The following ARID3A variants were observed in gnomAD, a reference collection of about 807,000 sequenced individuals.
ARID3A encodes AT-rich interaction domain 3A, also known as AT-rich interactive domain-containing protein 3A.
ARID3A carries 11 observed loss-of-function variants against 52.7 expected under a neutral mutation model. That is an observed-to-expected ratio of 0.21 (90% CI 0.13 to 0.35). ARID3A has a LOEUF of 0.35. ARID3A is among the 10% of genes least tolerant of loss of function. ARID3A has a pLI of 1.00. For synonymous variants in ARID3A, 404 were observed against 359.4 expected, an observed-to-expected ratio of 1.12 and a Z score of -1.40; for missense variants, 721 against 838.5, an observed-to-expected ratio of 0.86 and a Z score of 1.73.
Position 944,472 on chromosome 19 carries a change from G to A in ARID3A, c.693+11730G>A, listed in dbSNP as rs541164708. 2.6e-5 allele frequency among the ~76,000 whole-genome samples: 4 copies of A among 152,168 alleles called. No homozygotes were observed. Among genetic ancestry groups the A allele is most frequent in the African/African-American group, 4.8e-5 (2 of 41,528 alleles). ...CGGCCTCAGCCCCGTTGCTTCGGTC[G>A]ATGCCCCCAAACCTTGACCCATCTC... On this transcript the variant is annotated intron_variant, in intron 3 of 8. Coordinates refer to ENST00000263620, the MANE Select transcript of ARID3A (RefSeq NM_005224.3). This position sits in a 1 kb window ranked among gnomAD's most constrained non-coding sequence, Gnocchi z 5.9.
In ARID3A at chr19:964,773, G is replaced by A. The variant is rs1307925717; in HGVS notation, c.951-60G>A. 3.8e-6 allele frequency: 6 copies of A among 1,569,964 alleles called. No individual in the cohort carries two copies. The highest frequency in any genetic ancestry group is 3.4e-4 in the Middle Eastern group (2 of 5,862). ...ACAGTGGGGTTTACTTTGTACTGAAGGCCAAAGAGAGCCGTAGGGGTGACC... is the reference window on the plus strand; with the variant it reads ...ACAGTGGGGTTTACTTTGTACTGAAAGCCAAAGAGAGCCGTAGGGGTGACC... On this transcript the variant is annotated intron_variant, in intron 5 of 8. Coordinates refer to ENST00000263620, the MANE Select transcript of ARID3A (RefSeq NM_005224.3). This position sits in a 1 kb window ranked among gnomAD's most constrained non-coding sequence, Gnocchi z 5.7.
rs10417619 is a variant in ARID3A, at chr19:942,295, G to T, written c.693+9553G>T. 5.3e-3 allele frequency among the ~76,000 whole-genome samples: 812 copies of T among 152,294 alleles called. 7 individuals are homozygous for T. The highest frequency in any genetic ancestry group is 0.019 in the African/African-American group (787 of 41,570). ...CGATGGCCCAAATTACCTGACTGTC[G>T]ATCCTGACTGGGGCGGTGGCGACAT... On this transcript the variant is annotated intron_variant, in intron 3 of 8. Transcript: ENST00000263620. This position sits in a 1 kb window ranked among gnomAD's most constrained non-coding sequence, Gnocchi z 8.1.
In ARID3A at chr19:973,104, A is replaced by ATTTTTTTTTATTTTTTTTTTTT. The variant is rs2038315135; in HGVS notation, c.*1048_*1049insATTTTTTTTTTTTTTTTTTTTT. 1 of 53,488 alleles carries ATTTTTTTTTATTTTTTTTTTTT rather than the reference A, an allele frequency of 1.9e-5. No homozygotes were observed. The highest frequency in any genetic ancestry group is 7.0e-5 in the African/African-American group (1 of 14,224). 3.3% of individuals were successfully genotyped at this position (53,488 alleles called of 1,614,324 possible). A position where few individuals can be genotyped will look rare whatever the true frequency, so the allele number is the denominator to read the frequency against. ...GGGCTCTCGAGTCAGGGGCCTGGAA[A>ATTTTTTTTTATTTTTTTTTTTT]TTTTTTTTTTTTTTTTTTTTTGAGA... On this transcript the variant is annotated 3_prime_UTR_variant, in exon 9 of 9. Transcript: ENST00000263620.
At chr19:931,941 G>T (rs893627277) in intron 2 of ARID3A, among the ~76,000 whole-genome samples, 17 of 152,262 alleles carry the variant, frequency 1.1e-4, no homozygotes, top group African/African-American at 3.6e-4. Flanking sequence ...GGAAGGGGAG[G>T]TGGAGCTGGG....
At position 966,589 on chromosome 19, in the gene ARID3A, C is replaced by T. The variant is rs375227599; in HGVS notation, c.1216C>T (p.Pro406Ser). 6.4e-7 allele frequency: 1 copy of T among 1,564,224 alleles called. No individual in the cohort carries two copies. The highest frequency in any genetic ancestry group is 1.4e-5 in the African/African-American group (1 of 73,424). ...KIKKEEDSAI[P>S]ITVPGRLPVS... Reference sequence around the variant, plus strand: ...CTACCTAGAGGAGGACTCAGCCATCCCCATCACAGTCCCTGGCCGCCTGCC... The same window carrying T: ...CTACCTAGAGGAGGACTCAGCCATCTCCATCACAGTCCCTGGCCGCCTGCC... Residue 406 changes from proline (P) to serine (S), a missense_variant, in exon 7 of 9, where the codon CCC (proline) becomes TCC (serine). Around this residue, in one of 5 missense-constraint regions of ARID3A, gnomAD observed 297 missense variants for 343.2 expected, o/e 0.87. Coordinates refer to ENST00000263620, the MANE Select transcript of ARID3A (RefSeq NM_005224.3).
intron 3 of ARID3A, among the ~76,000 whole-genome samples, chr19:951,560 A>G (rs901387814): frequency 1.3e-5 from 2 of 151,694 alleles, no homozygotes; most frequent in South Asian, 2.1e-4. Flanking sequence ...CAAAAAAAGG[A>G]AAAAAAACAA....
At position 971,934 on chromosome 19, in the gene ARID3A, G is replaced by T. The variant is rs1021870103; in HGVS notation, c.1651G>T (p.Gly551Cys). 3 of 1,396,212 alleles carry T rather than the reference G, an allele frequency of 2.1e-6. No individual in the cohort carries two copies. In the African/African-American group the frequency reaches 4.7e-5, roughly 22 times the overall value. The allele number at this position is 1,396,212 out of a possible 1,614,324, so 86.5% of individuals were successfully genotyped here. A position where few individuals can be genotyped will look rare whatever the true frequency, so the allele number is the denominator to read the frequency against. Residue 551 changes from glycine (G) to cysteine (C), a missense_variant, in exon 9 of 9, where the codon GGC becomes TGC. By Grantham distance (159) the Gly-to-Cys change is radical. Transcript: ENST00000263620. ...PTPTSAPNKG[G>C]GGGGGSSSNA... ...GCCAACCTCTGCTCCCAACAAAGGAGGCGGCGGCGGCGGCGGCAGCAGCAG... is the reference window on the plus strand; with the variant it reads ...GCCAACCTCTGCTCCCAACAAAGGATGCGGCGGCGGCGGCGGCAGCAGCAG...
At chr19:967,569 T>TA (rs1214018279) in intron 7 of ARID3A, among the ~76,000 whole-genome samples, 3 of 149,326 alleles carry the variant, frequency 2.0e-5, no homozygotes, top group Non-Finnish European at 4.5e-5. Flanking sequence ...AAAAACAAGG[T>TA]AAAAAAAAAC....
chr19:971,843 C>T, intron 8 of ARID3A, 35 bp from the exon 9 acceptor site: 1 of 1,567,810 alleles, frequency 6.4e-7, no homozygotes, highest in Non-Finnish European at 8.6e-7. Flanking sequence ...TCTTCTTAAA[C>T]TCTGCATGGC....
intron 3 of ARID3A, among the ~76,000 whole-genome samples, chr19:943,505 C>G (rs564430192): frequency 6.6e-6 from 1 of 151,724 alleles, no homozygotes; most frequent in African/African-American, 2.4e-5. Context: ...GAGGCGGAGG[C>G]TGCAGTGAGC....
At chr19:965,308 T>C in intron 6 of ARID3A, 1 of 558,338 alleles carries the variant, frequency 1.8e-6, no homozygotes, top group Non-Finnish European at 3.1e-6. Flanking sequence ...CTAATCAATC[T>C]GTGTTTCCAG....
At chr19:953,582 C>G (rs2037851259) in intron 3 of ARID3A, among the ~76,000 whole-genome samples, 1 of 152,160 alleles carries the variant, frequency 6.6e-6, no homozygotes, top group South Asian at 2.1e-4. Context: ...TAACGGGGCT[C>G]GGGCGTGCAA....
In ARID3A at chr19:947,194, G is replaced by A. The variant is rs938570508; in HGVS notation, c.694-12898G>A. Among the ~76,000 whole-genome samples the A allele has an allele frequency of 6.6e-5, 10 of 152,156 alleles. No homozygotes were observed. The highest frequency in any genetic ancestry group is 1.2e-4 in the Non-Finnish European group (8 of 68,008). On this transcript the variant is annotated intron_variant, in intron 3 of 8. Transcript: ENST00000263620. The surrounding 1 kb of genome is among the most constrained non-coding windows in gnomAD (Gnocchi z 6.3). ...TGTGTGGCCTGGGGCACCCCCTGCC[G>A]TCAGCCCAGATCTGTGTCTGTGTCT...
intron 1 of ARID3A, chr19:928,443 C>T (rs1396466646): frequency 6.6e-6 from 1 of 152,118 alleles, no homozygotes; most frequent in Non-Finnish European, 1.5e-5. Context: ...GACATCTGGC[C>T]CACTCGGGAT....
At chr19:945,926 T>A (rs1248561611) in intron 3 of ARID3A, among the ~76,000 whole-genome samples, 1 of 152,170 alleles carries the variant, frequency 6.6e-6, no homozygotes, top group Non-Finnish European at 1.5e-5. Flanking sequence ...TCTGAGGCTT[T>A]CTGGGACCGT....
At chr19:930,600 C>T (rs1397305425) in intron 2 of ARID3A, among the ~76,000 whole-genome samples, 2 of 150,326 alleles carry the variant, frequency 1.3e-5, no homozygotes, top group African/African-American at 2.4e-5. Flanking sequence ...ACCTCCTCCT[C>T]CCGGGTTCAC....
chr19:953,849 G>A (rs2037857114), intron 3 of ARID3A, among the ~76,000 whole-genome samples: 1 of 152,216 alleles, frequency 6.6e-6, no homozygotes, highest in Admixed American at 6.5e-5. Flanking sequence ...TGAGGCAGGA[G>A]GATCACTTAA....
chr19:926,959 TCTC>T (rs569159859), intron 1 of ARID3A, among the ~76,000 whole-genome samples: 210 of 151,814 alleles, frequency 1.4e-3, no homozygotes, highest in Middle Eastern at 6.8e-3. Flanking sequence ...TCTTATTTCT[TCTC>T]CTTCTTGAGT....
chr19:953,461 C>A (rs1046050780), intron 3 of ARID3A, among the ~76,000 whole-genome samples: 1 of 149,676 alleles, frequency 6.7e-6, no homozygotes, highest in African/African-American at 2.5e-5. Flanking sequence ...CTCCCACCCC[C>A]CCAGGCCTCC....
Sources: allele counts gnomAD v4.1 joint callset (sites outside exome capture counted in the v4.1 genomes callset), GRCh38; gene constraint gnomAD v4.1.1; regional missense constraint gnomAD v4.1.1; non-coding constraint Gnocchi (gnomAD v3.1); transcripts MANE v1.5; gene names NCBI Gene and HGNC (gene_info 2026-07-23, HGNC 2026-07-21).